Variants in KLHL8 observed in about 807,000 individuals in gnomAD.
KLHL8 encodes kelch like family member 8.
In KLHL8, 38 loss-of-function variants were observed where a neutral mutation model predicts 63.5. The ratio of observed to expected loss-of-function variants is 0.60; its 90% CI spans 0.46 to 0.78. The LOEUF (loss-of-function observed/expected upper bound fraction) is 0.78, where lower values mean the gene tolerates loss of function less well. Among genes scored for constraint, KLHL8 ranks in the 30% least tolerant of loss-of-function variants. The probability of loss-of-function intolerance (pLI) is 0.00; values close to 1 mark genes in which losing one functional copy is unlikely to be tolerated. For missense variants in KLHL8, 566 were observed against 752.4 expected (o/e 0.75, Z 2.90); for synonymous variants, 224 against 254.3 (o/e 0.88, Z 1.13).
intron 3 of KLHL8, among the ~76,000 whole-genome samples, chr4:87,183,974 C>T (rs1731153237): frequency 6.6e-6 from 1 of 152,118 alleles, no homozygotes; most frequent in Non-Finnish European, 1.5e-5. Context: ...TAAAGATACA[C>T]TGATTTTCCA....
chr4:87,163,673 A>C (rs776965217), intron 9 of KLHL8, 31 bp from the exon 10 acceptor site: 11 of 1,611,616 alleles, frequency 6.8e-6, no homozygotes, highest in Non-Finnish European at 9.3e-6. Context: ...AAATGTTACA[A>C]AGCATAATTT....
Position 87,208,913 on chromosome 4 carries a change from G to T in KLHL8, c.-152+11505C>A, listed in dbSNP as rs545099852. Among the ~76,000 whole-genome samples the T allele has an allele frequency of 5.9e-5, 9 of 152,162 alleles. No individual in the cohort carries two copies. The South Asian group carries it at 1.7e-3, about 28-fold the overall frequency. On this transcript the variant is annotated intron_variant, in intron 1 of 9. Transcript: ENST00000273963. ...CTTTTATAAAATTATTTTTACATTTGAATTCAGATTTGGATAGGACACAAC... is the reference window on the plus strand; with the variant it reads ...CTTTTATAAAATTATTTTTACATTTTAATTCAGATTTGGATAGGACACAAC...
intron 6 of KLHL8, among the ~76,000 whole-genome samples, chr4:87,173,267 T>C (rs1163303945): frequency 6.6e-6 from 1 of 152,246 alleles, no homozygotes; most frequent in Non-Finnish European, 1.5e-5. Flanking sequence ...CATGCTAATA[T>C]TATTGCCCTT....
At chr4:87,228,619 T>C (rs958907390) in intron 1 of KLHL8, among the ~76,000 whole-genome samples, 19 of 152,220 alleles carry the variant, frequency 1.2e-4, no homozygotes, top group Non-Finnish European at 5.9e-5. Flanking sequence ...TTTCTTTACT[T>C]TTTTATCAGC....
upstream of KLHL8, among the ~76,000 whole-genome samples, chr4:87,225,008 C>T (rs10001721): frequency 0.24 from 37,108 of 151,910 alleles, 5,033 homozygotes; most frequent in Admixed American, 0.3. Context: ...GAACTCCTGG[C>T]CTCGAGGGAT....
chr4:87,183,496 C>T (rs1344651567), intron 3 of KLHL8, 107 bp from the exon 4 acceptor site: 1 of 779,948 alleles, frequency 1.3e-6, no homozygotes, highest in African/African-American at 1.8e-5. Context: ...AGTAATTCTC[C>T]ACTTCTACTG....
chr4:87,163,904 T>G lies in KLHL8; in HGVS notation c.1713A>C (p.Val571=). The G allele has an allele frequency of 6.2e-7, 1 of 1,614,074 alleles. No homozygotes were observed. The highest frequency in any genetic ancestry group is 8.5e-7 in the Non-Finnish European group (1 of 1,179,980). The change falls in exon 9 of 10, where the codon GTA becomes GTC. Residue 571 remains valine, a synonymous_variant. Transcript: ENST00000273963. ...GHNGNAYLNT[V]EAFDPVLNRW... The stretch of plus-strand genomic sequence containing the variant: ...TATTCAGCACTGGATCAAACGCTTC[T>G]ACTGTATTTAAGTATGCATTGCCAT...
intron 1 of KLHL8, among the ~76,000 whole-genome samples, chr4:87,229,468 T>C (rs1449609784): frequency 7.4e-5 from 11 of 147,762 alleles, no homozygotes. Context: ...AGGGTCTCAC[T>C]CTGTCACCTA....
intron 1 of KLHL8, chr4:87,207,483 G>A: frequency 2.6e-6 from 2 of 771,192 alleles, no homozygotes; most frequent in Non-Finnish European, 4.6e-6. Flanking sequence ...TGTTAGTGAT[G>A]GGCATGAACC....
At chr4:87,228,053 G>A (rs1733064990) in intron 1 of KLHL8, among the ~76,000 whole-genome samples, 1 of 152,130 alleles carries the variant, frequency 6.6e-6, no homozygotes. Context: ...GGATTCCAAA[G>A]CTTGGTGGAA....
At chr4:87,228,581 G>T (rs1002574579) in intron 1 of KLHL8, among the ~76,000 whole-genome samples, 61 of 152,306 alleles carry the variant, frequency 4.0e-4, no homozygotes, top group African/African-American at 1.4e-3. Context: ...CTCCCAAATT[G>T]CCAAGTGGCC....
In KLHL8 at chr4:87,160,311, G is replaced by A. The variant is rs536094747; in HGVS notation, c.*3208C>T. 3.7e-4 allele frequency: 57 copies of A among 152,256 alleles called. No individual in the cohort carries two copies. The highest frequency in any genetic ancestry group is 1.3e-3 in the African/African-American group (54 of 41,570). 9.4% of individuals were successfully genotyped at this position (152,256 alleles called of 1,614,324 possible). A position where few individuals can be genotyped will look rare whatever the true frequency, so the allele number is the denominator to read the frequency against. The stretch of plus-strand genomic sequence containing the variant: ...TGGAATTTTACATGAAGGGGAAAGA[G>A]ACATAGCCAATGGCATCCCAGTAAT... On this transcript the variant is annotated 3_prime_UTR_variant, in exon 10 of 10. Transcript: ENST00000273963.
upstream of KLHL8, among the ~76,000 whole-genome samples, chr4:87,223,732 T>C (rs1271745229): frequency 1.3e-5 from 2 of 152,188 alleles, no homozygotes; most frequent in Non-Finnish European, 2.9e-5. Context: ...AATCTTTCCC[T>C]AAAAAGTGAT....
chr4:87,181,986 C>A (rs1004601942), intron 4 of KLHL8, among the ~76,000 whole-genome samples: 1 of 151,732 alleles, frequency 6.6e-6, no homozygotes, highest in African/African-American at 2.4e-5. Context: ...CCCAGCACTT[C>A]GGGAGGCCAA....
chr4:87,183,346 A>G lies in KLHL8; in HGVS notation c.809T>C (p.Val270Ala). Residue 270 changes from valine to alanine, a missense_variant, in exon 4 of 10, where the codon GTG becomes GCG. By Grantham distance (64) the Val-to-Ala change is moderately conservative. Transcript: ENST00000273963. Reference sequence around the variant, plus strand: ...TTGCTTGACAATCTGTTCTTTTGCCACAACACCCATAAGAAAATCAACCGG... The same window carrying G: ...TTGCTTGACAATCTGTTCTTTTGCCGCAACACCCATAAGAAAATCAACCGG... ...LLPVDFLMGV[V>A]AKEQIVKQNL... The G allele has an allele frequency of 6.2e-7, 1 of 1,612,876 alleles. No individual in the cohort carries two copies. The highest frequency in any genetic ancestry group is 8.5e-7 in the Non-Finnish European group (1 of 1,179,140).
rs143906799 is a variant in KLHL8 at position 87,185,666 on chromosome 4, G to A, written c.350C>T (p.Ala117Val). The change falls in exon 3 of 10, where the codon GCA becomes GTA. Residue 117 changes from alanine (A) to valine (V), a missense_variant. Coordinates refer to ENST00000273963, the MANE Select transcript of KLHL8 (RefSeq NM_020803.5). ...LIEIRDFDGD[A>V]IEDLVKFVYS... is the part of the protein sequence containing the mutation. ...GACAAACTTTACCAAGTCTTCTATTGCATCACCATCAAAATCTCTAATCTC... is the reference window on the plus strand; with the variant it reads ...GACAAACTTTACCAAGTCTTCTATTACATCACCATCAAAATCTCTAATCTC... 2.0e-5 allele frequency: 33 copies of A among 1,614,038 alleles called. No homozygotes were observed. Among genetic ancestry groups the A allele is most frequent in the Non-Finnish European group, 2.8e-5 (33 of 1,180,044 alleles).
intron 1 of KLHL8, among the ~76,000 whole-genome samples, chr4:87,232,155 CAT>C (rs1488844571): frequency 2.0e-5 from 3 of 152,206 alleles, no homozygotes; most frequent in East Asian, 1.9e-4. Context: ...TTTCCAAACA[CAT>C]CTCTCTTTCT....
At chr4:87,186,481 CTT>C (rs753634845) in intron 2 of KLHL8, among the ~76,000 whole-genome samples, 81 of 134,346 alleles carry the variant, frequency 6.0e-4, no homozygotes, top group Admixed American at 8.2e-4. Flanking sequence ...ATTGTAAGTG[CTT>C]TTTTTTTTTT....
intron 5 of KLHL8, among the ~76,000 whole-genome samples, chr4:87,177,632 G>A (rs1399247562): frequency 6.6e-6 from 1 of 151,690 alleles, no homozygotes; most frequent in Non-Finnish European, 1.5e-5. Flanking sequence ...TTTGAGACAG[G>A]GTCTTGCTCT....
Sources: gnomAD v4.1 joint callset for allele counts (sites outside exome capture counted in the v4.1 genomes callset) on GRCh38, gnomAD v4.1.1 for gene constraint, MANE v1.5 for transcripts, NCBI Gene and HGNC (gene_info 2026-07-23, HGNC 2026-07-21) for gene names.